KSR2: variants seen among roughly 807,000 people sequenced by gnomAD.
KSR2 encodes the protein kinase suppressor of ras 2.
KSR2 carries 25 observed loss-of-function variants against 107.8 expected under a neutral mutation model. That is an observed-to-expected ratio of 0.23 (90% confidence interval 0.17 to 0.32). KSR2 has a LOEUF of 0.32. Ranked by LOEUF, KSR2 falls within the 10% of genes least tolerant of loss-of-function variation. The probability of loss-of-function intolerance (pLI) is 1.00; values close to 1 mark genes in which losing one functional copy is unlikely to be tolerated. For synonymous variants in KSR2, 480 were observed against 507.0 expected (o/e 0.95, Z 0.71); for missense variants, 887 against 1,268.9 (o/e 0.70, Z 4.57).
rs143911809 is a variant in KSR2 at position 117,500,743 on chromosome 12, C to T, written c.2220-15052G>A. Among the ~76,000 whole-genome samples, 683 of 152,322 alleles carry T rather than the reference C, an allele frequency of 4.5e-3. 3 individuals are homozygous for T. Among genetic ancestry groups the T allele is most frequent in the African/African-American group, 0.016 (660 of 41,580 alleles). On this transcript the variant is annotated intron_variant, in intron 14 of 19. Coordinates refer to ENST00000339824, the MANE Select transcript of KSR2 (RefSeq NM_173598.6). The stretch of plus-strand genomic sequence containing the variant: ...GAGGGGGAGCTTTTCATCCTCCCGT[C>T]CCTCCAATGAGGAAGTAGTGGCTCA...
chr12:117,625,543 G>A (rs562939308), intron 5 of KSR2, among the ~76,000 whole-genome samples: 6 of 152,292 alleles, frequency 3.9e-5, no homozygotes, highest in South Asian at 4.2e-4. Context: ...TCACATCTCC[G>A]GGATGAAGCC....
Position 117,628,403 on chromosome 12 carries a change from G to A in KSR2, c.1171+39071C>T, listed in dbSNP as rs1882632978. On this transcript the variant is annotated intron_variant, in intron 5 of 19. Transcript: ENST00000339824. ...TTTTGGTGTAGATGACCTTTTTGTT[G>A]ATGTTTATGCTATTCCTTTCTGTTT... Among the ~76,000 whole-genome samples the A allele has an allele frequency of 4.6e-5, 7 of 152,066 alleles. No homozygotes were observed. The South Asian group carries it at 1.5e-3, about 32-fold the overall frequency.
At chr12:117,727,429 AAGGAGG>A (rs970441101) in intron 4 of KSR2, among the ~76,000 whole-genome samples, 3 of 150,364 alleles carry the variant, frequency 2.0e-5, no homozygotes, top group Non-Finnish European at 4.4e-5. Flanking sequence ...GAAGAAGGGG[AAGGAGG>A]AGGAGGAGGA....
chr12:117,817,926 C>T (rs912503704), intron 3 of KSR2, among the ~76,000 whole-genome samples: 4 of 152,028 alleles, frequency 2.6e-5, no homozygotes, highest in Admixed American at 2.6e-4. Flanking sequence ...CACAGTAAAA[C>T]CCCGTCTACA....
chr12:117,674,871 A>G (rs1885057180), intron 4 of KSR2, among the ~76,000 whole-genome samples: 1 of 152,126 alleles, frequency 6.6e-6, no homozygotes. Flanking sequence ...AGGACCCTCC[A>G]CACCTACCCT....
chr12:117,574,502 T>C (rs1043006962), intron 7 of KSR2, among the ~76,000 whole-genome samples: 3 of 152,022 alleles, frequency 2.0e-5, no homozygotes, highest in East Asian at 1.9e-4. Context: ...CAAGAGAGAA[T>C]GAAGAAAATC....
At chr12:117,576,155 A>G (rs572912162) in intron 7 of KSR2, among the ~76,000 whole-genome samples, 1 of 152,340 alleles carries the variant, frequency 6.6e-6, no homozygotes, top group East Asian at 1.9e-4. Context: ...GCTGAAAATT[A>G]AAACGGCTTG....
At chr12:117,917,630 G>A (rs1028161983) in intron 1 of KSR2, among the ~76,000 whole-genome samples, 3 of 152,126 alleles carry the variant, frequency 2.0e-5, no homozygotes, top group African/African-American at 4.8e-5. Context: ...GGGGGGTAGG[G>A]GGCTATGTGT....
At chr12:117,955,023 A>G (rs1566098383) in intron 1 of KSR2, among the ~76,000 whole-genome samples, 1 of 152,052 alleles carries the variant, frequency 6.6e-6, no homozygotes, top group Admixed American at 6.6e-5. Context: ...TCTCAAAAAA[A>G]AAAAAAAAAA....
At chr12:117,876,673 A>C (rs1332629476) in intron 1 of KSR2, among the ~76,000 whole-genome samples, 2 of 151,426 alleles carry the variant, frequency 1.3e-5, no homozygotes, top group East Asian at 1.9e-4. Context: ...TATACTATAT[A>C]TGTATACTGT....
At chr12:117,760,246 G>A (rs1043548940) in intron 4 of KSR2, among the ~76,000 whole-genome samples, 2 of 152,194 alleles carry the variant, frequency 1.3e-5, no homozygotes, top group Admixed American at 6.5e-5. Flanking sequence ...ACAGCAACCT[G>A]CCTAATCCTC....
At chr12:117,837,980 A>G (rs2723278) in intron 3 of KSR2, among the ~76,000 whole-genome samples, 127,046 of 152,044 alleles carry the variant, frequency 0.84, 53,687 homozygotes, top group African/African-American at 0.95. Context: ...GAATCCCATC[A>G]GGATGGTGGT....
chr12:117,493,255 C>T (rs573535380), intron 14 of KSR2, among the ~76,000 whole-genome samples: 200 of 152,244 alleles, frequency 1.3e-3, no homozygotes, highest in African/African-American at 4.6e-3. Flanking sequence ...TCTGGCTTCC[C>T]CAGTTCATTC....
At chr12:117,522,414 G>A (rs935419706) in intron 14 of KSR2, among the ~76,000 whole-genome samples, 1 of 152,060 alleles carries the variant, frequency 6.6e-6, no homozygotes, top group Admixed American at 6.6e-5. Context: ...AAGGCCAGGG[G>A]TGGGGAAAAG....
At chr12:117,696,708 T>C (rs1351668182) in intron 4 of KSR2, among the ~76,000 whole-genome samples, 1 of 152,148 alleles carries the variant, frequency 6.6e-6, no homozygotes, top group Non-Finnish European at 1.5e-5. Flanking sequence ...AGACTACCTA[T>C]TATGTTCATT....
At chr12:117,864,585 T>A (rs955014145) in intron 1 of KSR2, among the ~76,000 whole-genome samples, 9 of 152,130 alleles carry the variant, frequency 5.9e-5, no homozygotes, top group African/African-American at 2.2e-4. Context: ...AGCAAACATT[T>A]CCAGTCTCAC....
intron 3 of KSR2, among the ~76,000 whole-genome samples, chr12:117,802,897 C>G (rs1188056318): frequency 1.3e-5 from 2 of 152,238 alleles, no homozygotes; most frequent in Admixed American, 6.5e-5. Flanking sequence ...TCACACCCCC[C>G]AATCTGGGAG....
intron 5 of KSR2, among the ~76,000 whole-genome samples, chr12:117,662,860 A>G (rs926881394): frequency 2.0e-5 from 3 of 152,312 alleles, no homozygotes; most frequent in East Asian, 3.9e-4. Context: ...CAAAATTACT[A>G]TGTCATTCCT....
At chr12:117,582,537 G>T (rs1879732775) in intron 5 of KSR2, among the ~76,000 whole-genome samples, 178 bp from the exon 6 acceptor site, 1 of 152,190 alleles carries the variant, frequency 6.6e-6, no homozygotes, top group Non-Finnish European at 1.5e-5. Flanking sequence ...CTGACGCAAG[G>T]GCCCCTGGGC....
Sources: gnomAD v4.1 joint callset for allele counts (sites outside exome capture counted in the v4.1 genomes callset) on GRCh38, gnomAD v4.1.1 for gene constraint, MANE v1.5 for transcripts, NCBI Gene and HGNC (gene_info 2026-07-23, HGNC 2026-07-21) for gene names.